SSBP3: variants seen among roughly 807,000 people sequenced by gnomAD.
SSBP3 encodes the protein single stranded DNA binding protein 3.
Under a neutral mutation model 69.6 loss-of-function variants are expected in SSBP3, and 5 were observed. That is an observed-to-expected ratio of 0.07 (90% CI 0.04 to 0.15). The LOEUF (loss-of-function observed/expected upper bound fraction) is 0.15, where lower values mean the gene tolerates loss of function less well. SSBP3 is among the 10% of genes least tolerant of loss of function. The probability of loss-of-function intolerance (pLI) is 1.00; values close to 1 mark genes in which losing one functional copy is unlikely to be tolerated. For missense variants in SSBP3, 312 were observed against 534.0 expected (o/e 0.58, Z 4.10); for synonymous variants, 196 against 193.4 (o/e 1.01, Z -0.11).
chr1:54,336,003 C>T (rs1646500992), intron 4 of SSBP3: 2 of 152,274 alleles, frequency 1.3e-5, no homozygotes, highest in Non-Finnish European at 2.9e-5. Flanking sequence ...CCAATTCCAG[C>T]TTTACCGCTT....
At chr1:54,240,995 G>A (rs551515299) in intron 12 of SSBP3, 36 bp from the exon 13 acceptor site, 24 of 1,585,468 alleles carry the variant, frequency 1.5e-5, no homozygotes, top group African/African-American at 1.1e-4. Flanking sequence ...AGACACCCAC[G>A]GTGGTAACGA....
At chr1:54,228,396 A>G in intron 16 of SSBP3, 40 bp from the exon 17 acceptor site, 1 of 1,614,194 alleles carries the variant, frequency 6.2e-7, no homozygotes, top group Non-Finnish European at 8.5e-7. Flanking sequence ...TGTGTCCCCA[A>G]CAACCTGCCC....
intron 4 of SSBP3, among the ~76,000 whole-genome samples, chr1:54,381,455 C>A (rs1647649414): frequency 6.7e-6 from 1 of 149,982 alleles, no homozygotes; most frequent in Non-Finnish European, 1.5e-5. Flanking sequence ...AGTTTATGTC[C>A]TTGTAGATTT....
At chr1:54,282,041 A>AAATAATAATAATAAT (rs61443250) in intron 4 of SSBP3, among the ~76,000 whole-genome samples, 2,568 of 142,862 alleles carry the variant, frequency 0.018, 41 homozygotes, top group South Asian at 0.05. Flanking sequence ...GCCCTATCTC[A>AAATAATAATAATAAT]AATAATAATA....
chr1:54,328,663 G>A (rs950367547), intron 4 of SSBP3, among the ~76,000 whole-genome samples: 6 of 152,208 alleles, frequency 3.9e-5, no homozygotes, highest in Non-Finnish European at 8.8e-5. Flanking sequence ...TTCCTTCTGG[G>A]AGAAGCAGCT....
chr1:54,399,846 C>T (rs1193644574), intron 4 of SSBP3, among the ~76,000 whole-genome samples: 1 of 152,150 alleles, frequency 6.6e-6, no homozygotes, highest in East Asian at 1.9e-4. Flanking sequence ...TGCTGTCACC[C>T]CTCCAACTCA....
intron 4 of SSBP3, among the ~76,000 whole-genome samples, chr1:54,388,399 G>C (rs1205002284): frequency 6.6e-6 from 1 of 152,212 alleles, no homozygotes; most frequent in Non-Finnish European, 1.5e-5. Flanking sequence ...ATCTTATAGA[G>C]TGTTACCGGG....
At chr1:54,354,272 C>T (rs1445132295) in intron 4 of SSBP3, among the ~76,000 whole-genome samples, 1 of 152,252 alleles carries the variant, frequency 6.6e-6, no homozygotes, top group Non-Finnish European at 1.5e-5. Flanking sequence ...CCAGCCTTTC[C>T]CAGGCACCTG....
intron 5 of SSBP3, among the ~76,000 whole-genome samples, chr1:54,277,437 G>A (rs1557487441): frequency 6.6e-6 from 1 of 152,120 alleles, no homozygotes; most frequent in South Asian, 2.1e-4. Flanking sequence ...AATCAGATGT[G>A]CATCCACATT....
intron 4 of SSBP3, among the ~76,000 whole-genome samples, chr1:54,306,243 C>T (rs1645899410): frequency 6.6e-6 from 1 of 152,232 alleles, no homozygotes; most frequent in Middle Eastern, 3.4e-3. Flanking sequence ...ATATTACACA[C>T]TTGCTAAGTG....
chr1:54,246,389 T>C (rs1205690840), intron 9 of SSBP3, among the ~76,000 whole-genome samples: 1 of 152,184 alleles, frequency 6.6e-6, no homozygotes, highest in African/African-American at 2.4e-5. Flanking sequence ...CCCAGCTGAC[T>C]AGAGAGGTCT....
At chr1:54,323,509 C>A (rs948191842) in intron 4 of SSBP3, among the ~76,000 whole-genome samples, 1 of 152,200 alleles carries the variant, frequency 6.6e-6, no homozygotes, top group South Asian at 2.1e-4. Context: ...GCCTCCTGTC[C>A]TGGCCTGCTC....
At chr1:54,299,817 G>A (rs765819722) in intron 4 of SSBP3, among the ~76,000 whole-genome samples, 3 of 151,978 alleles carry the variant, frequency 2.0e-5, no homozygotes, top group Non-Finnish European at 4.4e-5. Flanking sequence ...TCGCTCACAC[G>A]GCAGGCTCAC....
chr1:54,301,353 T>A (rs57180150), intron 4 of SSBP3, among the ~76,000 whole-genome samples: 132 of 152,258 alleles, frequency 8.7e-4, no homozygotes, highest in African/African-American at 3.1e-3. Context: ...CAGCACAAGC[T>A]AACCTAAGGG....
rs151054157 is a variant in SSBP3 at position 54,318,704 on chromosome 1, A to G, written c.277-37177T>C. On this transcript the variant is annotated intron_variant, in intron 4 of 17. Transcript: ENST00000610401. ...GCCTGCTCTCCCAGGTCCCCTTCAG[A>G]TGCAGGAAGTGGCATCACCTCTCAG... 3.9e-3 allele frequency among the ~76,000 whole-genome samples: 591 copies of G among 152,244 alleles called. 1 individual carries two copies. Among genetic ancestry groups the G allele is most frequent in the Non-Finnish European group, 5.4e-3 (365 of 68,002 alleles).
chr1:54,240,472 A>AAAG (rs1553123335), intron 13 of SSBP3, among the ~76,000 whole-genome samples: 6 of 63,348 alleles, frequency 9.5e-5, no homozygotes, highest in Admixed American at 1.9e-4. Flanking sequence ...GAAAAAAAAA[A>AAAG]GGGGGGGGGG....
At chr1:54,380,919 G>A (rs1647581991) in intron 4 of SSBP3, among the ~76,000 whole-genome samples, 1 of 151,502 alleles carries the variant, frequency 6.6e-6, no homozygotes, top group Admixed American at 6.6e-5. Flanking sequence ...CCGGAAGTTT[G>A]AGACCAGCCG....
At position 54,304,665 on chromosome 1, in the gene SSBP3, C is replaced by T. The variant is rs545704387; in HGVS notation, c.277-23138G>A. Among the ~76,000 whole-genome samples the T allele has an allele frequency of 4.6e-5, 7 of 152,304 alleles. No individual in the cohort carries two copies. The South Asian group carries it at 1.5e-3, about 32-fold the overall frequency. On this transcript the variant is annotated intron_variant, in intron 4 of 17. Coordinates refer to ENST00000610401, the Ensembl canonical transcript of SSBP3. Reference sequence around the variant, plus strand: ...CCACAGGCAGAGGAGGAACAAAGCACAGTCCAGCGGGGTCACTGGAGCCAG... The same window carrying T: ...CCACAGGCAGAGGAGGAACAAAGCATAGTCCAGCGGGGTCACTGGAGCCAG...
intron 11 of SSBP3, among the ~76,000 whole-genome samples, chr1:54,241,900 G>C (rs761858985): frequency 6.6e-6 from 1 of 152,230 alleles, no homozygotes; most frequent in Non-Finnish European, 1.5e-5. Flanking sequence ...TCTCCACTCT[G>C]AACAGTGCTC....
Sources: allele counts gnomAD v4.1 joint callset (sites outside exome capture counted in the v4.1 genomes callset), GRCh38; gene constraint gnomAD v4.1.1; transcripts MANE v1.5; gene names NCBI Gene and HGNC (gene_info 2026-07-23, HGNC 2026-07-21).